SGCZ: variants seen among roughly 807,000 people sequenced by gnomAD.
SGCZ encodes the protein zeta-sarcoglycan.
A neutral mutation model predicts 41.3 loss-of-function variants in SGCZ; 40 were observed. The ratio of observed to expected loss-of-function variants is 0.97; its 90% CI spans 0.75 to 1.26. The LOEUF (loss-of-function observed/expected upper bound fraction) is 1.26, where lower values mean the gene tolerates loss of function less well. Ranked by LOEUF, SGCZ falls within the 50% of genes most tolerant of loss-of-function variation. The pLI is 0.00. For missense variants in SGCZ, 552 were observed against 369.8 expected (o/e 1.49, Z -4.04); for synonymous variants, 206 against 137.5 (o/e 1.50, Z -3.49).
chr8:14,485,025 C>A (rs1016460794), intron 2 of SGCZ, among the ~76,000 whole-genome samples: 2 of 152,084 alleles, frequency 1.3e-5, no homozygotes, highest in Non-Finnish European at 2.9e-5. Context: ...CTCTTTATGG[C>A]TTTAAAGGAC....
chr8:14,786,836 G>T (rs1800781558), intron 1 of SGCZ, among the ~76,000 whole-genome samples: 3 of 107,106 alleles, frequency 2.8e-5, no homozygotes, highest in Admixed American at 2.1e-4. Flanking sequence ...TGGAAAGCAG[G>T]TTTAAAAAAA....
chr8:15,118,170 C>G (rs1349562565), intron 1 of SGCZ, among the ~76,000 whole-genome samples: 1 of 152,124 alleles, frequency 6.6e-6, no homozygotes, highest in African/African-American at 2.4e-5. Flanking sequence ...TTTATTTACA[C>G]AATTCAACAA....
intron 2 of SGCZ, among the ~76,000 whole-genome samples, chr8:14,488,536 T>G (rs959618589): frequency 3.9e-5 from 6 of 152,092 alleles, no homozygotes; most frequent in African/African-American, 1.4e-4. Context: ...CTAGCCAGTT[T>G]TACAACATGG....
In SGCZ at chr8:14,795,930, G is replaced by C. The variant is rs577917082; in HGVS notation, c.40-241004C>G. 5.3e-5 allele frequency among the ~76,000 whole-genome samples: 8 copies of C among 152,158 alleles called. No individual in the cohort carries two copies. The South Asian group carries it at 6.2e-4, about 12-fold the overall frequency. On this transcript the variant is annotated intron_variant, in intron 1 of 7. Transcript: ENST00000382080. ...TACAAGTGAGAACATGTAGTATTTG[G>C]TTTTCTGTTCCTGTGTTAGTTTTCT... is the stretch of plus-strand genomic sequence containing the variant.
At chr8:14,726,145 G>A (rs1810042280) in intron 1 of SGCZ, among the ~76,000 whole-genome samples, 1 of 150,950 alleles carries the variant, frequency 6.6e-6, no homozygotes, top group Non-Finnish European at 1.5e-5. Flanking sequence ...TGTAGTCCCA[G>A]CTACTCGGGA....
chr8:14,801,535 CTTG>C (rs970798867), intron 1 of SGCZ, among the ~76,000 whole-genome samples: 1 of 152,104 alleles, frequency 6.6e-6, no homozygotes, highest in African/African-American at 2.4e-5. Context: ...TTATTTTCAC[CTTG>C]TTTACTTCCA....
intron 1 of SGCZ, among the ~76,000 whole-genome samples, chr8:15,211,051 A>G (rs929733668): frequency 2.0e-5 from 3 of 149,692 alleles, no homozygotes; most frequent in African/African-American, 7.4e-5. Context: ...AGATATAGAT[A>G]GATATAGATA....
intron 3 of SGCZ, among the ~76,000 whole-genome samples, chr8:14,312,061 A>G (rs570857771): frequency 6.6e-6 from 1 of 152,054 alleles, no homozygotes; most frequent in African/African-American, 2.4e-5. Flanking sequence ...TAGTGGGGAC[A>G]ATGTTTTTTT....
chr8:14,704,663 G>A (rs1441548818), intron 1 of SGCZ, among the ~76,000 whole-genome samples: 1 of 151,914 alleles, frequency 6.6e-6, no homozygotes. Flanking sequence ...CTGCTACAGA[G>A]AATTGTGGTG....
chr8:14,762,932 T>A (rs1200917288), intron 1 of SGCZ, among the ~76,000 whole-genome samples: 1 of 152,230 alleles, frequency 6.6e-6, no homozygotes, highest in African/African-American at 2.4e-5. Context: ...TTATTAGTTG[T>A]ATGAACTTAG....
intron 1 of SGCZ, among the ~76,000 whole-genome samples, chr8:14,570,917 G>A (rs1342871879): frequency 6.6e-6 from 1 of 152,128 alleles, no homozygotes; most frequent in Non-Finnish European, 1.5e-5. Context: ...AAATGGTTAT[G>A]TATGTAAAAT....
intron 2 of SGCZ, among the ~76,000 whole-genome samples, chr8:14,398,351 A>G: frequency 6.6e-6 from 1 of 152,136 alleles, no homozygotes; most frequent in East Asian, 1.9e-4. Flanking sequence ...TGTCCTGATT[A>G]CTGATAGTTC....
intron 5 of SGCZ, among the ~76,000 whole-genome samples, chr8:14,138,246 T>C (rs1048299620): frequency 3.3e-5 from 5 of 152,082 alleles, no homozygotes; most frequent in African/African-American, 1.2e-4. Flanking sequence ...GTAAAGACCA[T>C]CGAGGCTAGG....
At chr8:14,230,589 T>G (rs747586375) in intron 4 of SGCZ, among the ~76,000 whole-genome samples, 4 of 152,108 alleles carry the variant, frequency 2.6e-5, no homozygotes, top group Non-Finnish European at 5.9e-5. Context: ...AAATAGTTTC[T>G]GAAGATATCA....
intron 1 of SGCZ, among the ~76,000 whole-genome samples, chr8:14,741,361 C>T (rs924194859): frequency 2.6e-5 from 4 of 151,966 alleles, no homozygotes; most frequent in African/African-American, 9.7e-5. Context: ...TACAGTAGAT[C>T]CTCACAAAGG....
At chr8:14,722,157 A>T (rs1809907466) in intron 1 of SGCZ, among the ~76,000 whole-genome samples, 1 of 152,088 alleles carries the variant, frequency 6.6e-6, no homozygotes, top group South Asian at 2.1e-4. Context: ...TATAAAATGC[A>T]TTTCATTTTT....
chr8:14,680,492 CTAAA>C (rs759841367), intron 1 of SGCZ, among the ~76,000 whole-genome samples: 4 of 151,896 alleles, frequency 2.6e-5, no homozygotes, highest in Non-Finnish European at 5.9e-5. Context: ...TTACTATGAA[CTAAA>C]TACTGTTCTA....
chr8:15,071,799 G>A (rs945107587), intron 1 of SGCZ, among the ~76,000 whole-genome samples: 1 of 152,056 alleles, frequency 6.6e-6, no homozygotes, highest in African/African-American at 2.4e-5. Context: ...ACAAAAAAAA[G>A]CTTAGGAAGA....
At chr8:14,803,287 G>A (rs372575507) in intron 1 of SGCZ, among the ~76,000 whole-genome samples, 144 of 152,222 alleles carry the variant, frequency 9.5e-4, no homozygotes, top group South Asian at 4.1e-3. Context: ...CGCAGAAGAC[G>A]GGTGATTTCT....
Sources: allele counts gnomAD v4.1 joint callset (sites outside exome capture counted in the v4.1 genomes callset), GRCh38; gene constraint gnomAD v4.1.1; transcripts MANE v1.5; gene names NCBI Gene and HGNC (gene_info 2026-07-23, HGNC 2026-07-21).